PPP1R9A: variants seen among roughly 807,000 people sequenced by gnomAD.
PPP1R9A encodes neurabin-1.
In PPP1R9A, 59 loss-of-function variants were observed where a neutral mutation model predicts 141.9. The ratio of observed to expected loss-of-function variants is 0.42; its 90% CI spans 0.34 to 0.52. PPP1R9A has a LOEUF of 0.52. Among genes scored for constraint, PPP1R9A ranks in the 20% least tolerant of loss-of-function variants. PPP1R9A has a pLI of 0.10. For synonymous variants in PPP1R9A, 500 were observed against 569.7 expected, an observed-to-expected ratio of 0.88 and a Z score of 1.74; for missense variants, 1,444 against 1,611.9, an observed-to-expected ratio of 0.90 and a Z score of 1.78.
chr7:95,229,416 T>G (rs572106670), intron 8 of PPP1R9A, among the ~76,000 whole-genome samples: 11 of 151,950 alleles, frequency 7.2e-5, no homozygotes, highest in Non-Finnish European at 1.6e-4. Flanking sequence ...TTGGTGCTGT[T>G]GTGGAGGGCA....
In PPP1R9A at chr7:95,247,456, T is replaced by G. The variant is rs1276927929; in HGVS notation, c.2113-17T>G. The G allele has an allele frequency of 1.3e-6, 2 of 1,595,030 alleles. No individual in the cohort carries two copies. The highest frequency in any genetic ancestry group is 1.3e-5 in the African/African-American group (1 of 74,306). On this transcript the variant is annotated splice_polypyrimidine_tract_variant and intron_variant, in intron 8 of 19. Coordinates refer to ENST00000433360, the MANE Select transcript of PPP1R9A (RefSeq NM_001166160.2). The stretch of plus-strand genomic sequence containing the variant: ...CACTTTCTTAGTTCAGATTTTTTCT[T>G]TCTTTTCAATTTTCAGTTGCAAATC...
chr7:95,028,649 GAAA>G (rs1209577055), intron 2 of PPP1R9A, among the ~76,000 whole-genome samples: 8 of 152,078 alleles, frequency 5.3e-5, no homozygotes, highest in African/African-American at 1.4e-4. Flanking sequence ...GGAAGTTTTT[GAAA>G]AAGTGCTTTT....
chr7:95,250,271 T>C lies in PPP1R9A; in HGVS notation c.2396+16T>C. ...TTCAACAAAAGTAAGCCGCTTCTAA[T>C]AACTAAAGAATAGTTATGTTTGTCT... On this transcript the variant is annotated intron_variant, in intron 10 of 19. Coordinates refer to ENST00000433360, the MANE Select transcript of PPP1R9A (RefSeq NM_001166160.2). The C allele has an allele frequency of 6.3e-7, 1 of 1,581,750 alleles. No individual in the cohort carries two copies. The highest frequency in any genetic ancestry group is 8.6e-7 in the Non-Finnish European group (1 of 1,159,508).
In PPP1R9A at chr7:95,019,306, C is replaced by A. The variant is rs547600989; in HGVS notation, c.1396-91953C>A. Among the ~76,000 whole-genome samples, 5 of 152,260 alleles carry A rather than the reference C, an allele frequency of 3.3e-5. No homozygotes were observed. In the East Asian group the frequency reaches 9.7e-4, roughly 29 times the overall value. ...GCTGAGGCACAAGAATCAATTGAAC[C>A]CATGAGGTGGAGGTTGCAGTGAGCC... is the stretch of plus-strand genomic sequence containing the variant. On this transcript the variant is annotated intron_variant, in intron 2 of 19. Transcript: ENST00000433360.
chr7:95,079,515 G>C (rs1255426873), intron 2 of PPP1R9A, among the ~76,000 whole-genome samples: 13 of 151,906 alleles, frequency 8.6e-5, no homozygotes, highest in Non-Finnish European at 1.8e-4. Flanking sequence ...GAGGTACAAG[G>C]AGGAACTGGT....
At chr7:95,219,350 G>A (rs1419111333) in intron 7 of PPP1R9A, among the ~76,000 whole-genome samples, 1 of 152,114 alleles carries the variant, frequency 6.6e-6, no homozygotes, top group African/African-American at 2.4e-5. Flanking sequence ...TGTTAGTCTG[G>A]TGGGTTGCCC....
At chr7:95,150,247 C>T (rs1056911888) in intron 4 of PPP1R9A, among the ~76,000 whole-genome samples, 1 of 151,534 alleles carries the variant, frequency 6.6e-6, no homozygotes, top group Non-Finnish European at 1.5e-5. Flanking sequence ...AATGCAAAAG[C>T]AAAACTCCTA....
intron 2 of PPP1R9A, among the ~76,000 whole-genome samples, chr7:94,936,085 A>G (rs1794735605): frequency 6.6e-6 from 1 of 152,206 alleles, no homozygotes; most frequent in Non-Finnish European, 1.5e-5. Context: ...AGTCTAAATT[A>G]AAGTAATTTT....
chr7:95,184,593 G>A (rs1441795435), intron 5 of PPP1R9A, among the ~76,000 whole-genome samples: 1 of 152,134 alleles, frequency 6.6e-6, no homozygotes, highest in Non-Finnish European at 1.5e-5. Flanking sequence ...TGTTCCCAAT[G>A]TGTAGTCTGT....
intron 4 of PPP1R9A, among the ~76,000 whole-genome samples, chr7:95,134,680 C>A (rs1037399934): frequency 3.3e-5 from 5 of 152,120 alleles, no homozygotes; most frequent in African/African-American, 4.8e-5. Flanking sequence ...GGTGATGTAC[C>A]CACCTTGGCC....
intron 6 of PPP1R9A, among the ~76,000 whole-genome samples, chr7:95,203,184 G>A (rs1185145796): frequency 6.6e-6 from 1 of 151,764 alleles, no homozygotes; most frequent in Non-Finnish European, 1.5e-5. Flanking sequence ...ATCTTTTAAA[G>A]TATTGAATAC....
chr7:95,282,702 A>G (rs1804506539), intron 16 of PPP1R9A, among the ~76,000 whole-genome samples: 1 of 152,188 alleles, frequency 6.6e-6, no homozygotes, highest in South Asian at 2.1e-4. Flanking sequence ...GACCATGTGT[A>G]GGATGACATC....
chr7:95,128,372 C>G (rs1823949910), intron 4 of PPP1R9A, among the ~76,000 whole-genome samples: 1 of 152,074 alleles, frequency 6.6e-6, no homozygotes, highest in Non-Finnish European at 1.5e-5. Flanking sequence ...TTGTTTTTCA[C>G]TTGTTCAGTT....
intron 2 of PPP1R9A, among the ~76,000 whole-genome samples, chr7:94,950,394 A>G (rs1040794179): frequency 1.6e-4 from 25 of 151,996 alleles, no homozygotes; most frequent in Admixed American, 6.6e-4. Context: ...GTCAATTTTT[A>G]TAGTTTTATA....
At chr7:95,281,069 T>A (rs988819723) in intron 16 of PPP1R9A, among the ~76,000 whole-genome samples, 2 of 152,078 alleles carry the variant, frequency 1.3e-5, no homozygotes, top group Admixed American at 6.6e-5. Context: ...AAAGCAAAAA[T>A]TTCGTTTTTT....
intron 2 of PPP1R9A, among the ~76,000 whole-genome samples, chr7:95,067,875 C>T (rs985421868): frequency 2.0e-5 from 3 of 152,192 alleles, no homozygotes; most frequent in Admixed American, 6.5e-5. Flanking sequence ...CCACAAAGGA[C>T]CAAATTTCTA....
Position 95,203,653 on chromosome 7 carries a change from C to A in PPP1R9A, c.1891-12C>A. On this transcript the variant is annotated splice_polypyrimidine_tract_variant and intron_variant, in intron 6 of 19. Transcript: ENST00000433360. Reference sequence around the variant, plus strand: ...TTAAGCCTTCTTTAATATTTTTTGTCAACCATTTTAGAACACTGTGGCTGA... The same window carrying A: ...TTAAGCCTTCTTTAATATTTTTTGTAAACCATTTTAGAACACTGTGGCTGA... 1 of 1,533,234 alleles carries A rather than the reference C, an allele frequency of 6.5e-7. No homozygotes were observed. Among genetic ancestry groups the A allele is most frequent in the South Asian group, 1.2e-5 (1 of 83,568 alleles). The allele number at this position is 1,533,234 out of a possible 1,614,324, so 95.0% of individuals were successfully genotyped here. A position where few individuals can be genotyped will look rare whatever the true frequency, so the allele number is the denominator to read the frequency against.
chr7:95,143,139 A>G (rs978117861), intron 4 of PPP1R9A, among the ~76,000 whole-genome samples: 3 of 152,144 alleles, frequency 2.0e-5, no homozygotes, highest in African/African-American at 7.2e-5. Flanking sequence ...TGTATTTTAT[A>G]TAGCTGCCCA....
chr7:95,277,671 C>T (rs1803447382), intron 16 of PPP1R9A, among the ~76,000 whole-genome samples: 1 of 152,182 alleles, frequency 6.6e-6, no homozygotes, highest in Non-Finnish European at 1.5e-5. Flanking sequence ...AAGCAGTTCT[C>T]CCACCTCAGC....
Sources: allele counts gnomAD v4.1 joint callset (sites outside exome capture counted in the v4.1 genomes callset), GRCh38; gene constraint gnomAD v4.1.1; transcripts MANE v1.5; gene names NCBI Gene and HGNC (gene_info 2026-07-23, HGNC 2026-07-21).